SRPK2: variants seen among roughly 807,000 people sequenced by gnomAD.
The protein encoded by SRPK2 is SRSF protein kinase 2.
SRPK2 carries 21 observed loss-of-function variants against 90.8 expected under a neutral mutation model. The ratio of observed to expected loss-of-function variants is 0.23; its 90% CI spans 0.16 to 0.33. The LOEUF (loss-of-function observed/expected upper bound fraction) is 0.33, where lower values mean the gene tolerates loss of function less well. SRPK2 is among the 10% of genes least tolerant of loss of function. The pLI is 1.00. For synonymous variants in SRPK2, 288 were observed against 311.1 expected (o/e 0.93, Z 0.78); for missense variants, 620 against 869.0 (o/e 0.71, Z 3.60).
intron 2 of SRPK2, among the ~76,000 whole-genome samples, chr7:105,350,520 A>G (rs1365087359): frequency 7.9e-6 from 1 of 126,902 alleles, no homozygotes; most frequent in Non-Finnish European, 1.6e-5. Flanking sequence ...GGTTGCTACA[A>G]TTTTTTTTCT....
intron 15 of SRPK2, among the ~76,000 whole-genome samples, chr7:105,123,949 A>C (rs1242355625): frequency 6.6e-6 from 1 of 152,218 alleles, no homozygotes; most frequent in African/African-American, 2.4e-5. Context: ...ATGCATTTTA[A>C]CTCTGCAGGT....
intron 3 of SRPK2, among the ~76,000 whole-genome samples, chr7:105,187,953 G>C (rs1793801164): frequency 6.6e-6 from 1 of 152,160 alleles, no homozygotes; most frequent in African/African-American, 2.4e-5. Context: ...AATATACAGT[G>C]ACACAGCCAT....
rs1202517277 is a variant in SRPK2 at position 105,181,049 on chromosome 7, G to C, written c.230-11784C>G. On this transcript the variant is annotated intron_variant, in intron 3 of 15. Coordinates refer to ENST00000393651, the MANE Select transcript of SRPK2 (RefSeq NM_182692.3). ...AAGCAAAAAACCACCCCATTAAAGA[G>C]TGTGCAAAGGACATGAATAGACATT... Among the ~76,000 whole-genome samples, 3 of 152,162 alleles carry C rather than the reference G, an allele frequency of 2.0e-5. No homozygotes were observed. In the East Asian group the frequency reaches 5.8e-4, roughly 29 times the overall value.
At chr7:105,285,948 C>T (rs1563193072) in intron 2 of SRPK2, among the ~76,000 whole-genome samples, 1 of 152,166 alleles carries the variant, frequency 6.6e-6, no homozygotes, top group Non-Finnish European at 1.5e-5. Flanking sequence ...CATTTTACAC[C>T]AGTTACAATG....
intron 2 of SRPK2, among the ~76,000 whole-genome samples, chr7:105,378,412 G>T (rs746231886): frequency 6.6e-6 from 1 of 151,882 alleles, no homozygotes; most frequent in African/African-American, 2.4e-5. Context: ...AAGGGTAGGG[G>T]GCAAAAGACT....
At chr7:105,252,781 T>G (rs1802662414) in intron 2 of SRPK2, among the ~76,000 whole-genome samples, 1 of 149,732 alleles carries the variant, frequency 6.7e-6, no homozygotes, top group African/African-American at 2.5e-5. Flanking sequence ...CTCCCTCTGT[T>G]GCCCAGGCTG....
In SRPK2 at chr7:105,116,976, T is replaced by TA. The variant is rs1799689142; in HGVS notation, c.*861dup. On this transcript the variant is annotated 3_prime_UTR_variant, in exon 16 of 16. Coordinates refer to ENST00000393651, the MANE Select transcript of SRPK2 (RefSeq NM_182692.3). Reference sequence around the variant, plus strand: ...AATTTAATCTATGTAGAGCTTAACTTACAGCGCCCAGAGGAGGCAACATGA... The same window carrying TA: ...AATTTAATCTATGTAGAGCTTAACTTAACAGCGCCCAGAGGAGGCAACATGA... 6.6e-6 allele frequency: 1 copy of TA among 152,226 alleles called. No individual in the cohort carries two copies. Among genetic ancestry groups the TA allele is most frequent in the African/African-American group, 2.4e-5 (1 of 41,460 alleles). 9.4% of individuals were successfully genotyped at this position (152,226 alleles called of 1,614,324 possible). A position where few individuals can be genotyped will look rare whatever the true frequency, so the allele number is the denominator to read the frequency against.
intron 2 of SRPK2, among the ~76,000 whole-genome samples, chr7:105,280,287 C>T (rs1433747793): frequency 6.6e-6 from 1 of 151,924 alleles, no homozygotes; most frequent in Non-Finnish European, 1.5e-5. Context: ...TGGTGGTGCA[C>T]ACCTGTCATC....
At chr7:105,191,009 A>C (rs543285016) in intron 3 of SRPK2, among the ~76,000 whole-genome samples, 1 of 152,290 alleles carries the variant, frequency 6.6e-6, no homozygotes, top group South Asian at 2.1e-4. Flanking sequence ...TTTTTTCTAT[A>C]AGGAATTGAG....
intron 2 of SRPK2, among the ~76,000 whole-genome samples, chr7:105,252,667 T>C (rs970188636): frequency 1.3e-5 from 2 of 152,128 alleles, no homozygotes; most frequent in African/African-American, 4.8e-5. Context: ...TGATACTTTA[T>C]ATATCCATTG....
In SRPK2 at chr7:105,142,041, C is replaced by T; in HGVS notation, c.1510G>A (p.Val504Ile). 6.2e-7 allele frequency: 1 copy of T among 1,613,480 alleles called. No homozygotes were observed. Among genetic ancestry groups the T allele is most frequent in the Admixed American group, 1.7e-5 (1 of 59,930 alleles). ...SSPSHDRSRT[V>I]SASSTGDLPK... ...AAATCCCCAGTACTGGAGGCTGAAA[C>T]CGTTCTGCTTCTGTCATGGGATGGA... Residue 504 changes from valine to isoleucine, a missense_variant, in exon 11 of 16, where the codon GTT (valine) becomes ATT (isoleucine). Physicochemically the swap from Val to Ile is conservative, Grantham distance 29. Transcript: ENST00000393651.
intron 1 of SRPK2, among the ~76,000 whole-genome samples, chr7:105,396,786 G>A (rs1822338188): frequency 7.7e-6 from 1 of 130,688 alleles, no homozygotes; most frequent in African/African-American, 2.8e-5. Context: ...GAGAGAGAAA[G>A]AAAGAAAGAG....
intron 7 of SRPK2, among the ~76,000 whole-genome samples, chr7:105,153,320 A>G (rs1293838223): frequency 6.6e-6 from 1 of 152,166 alleles, no homozygotes; most frequent in Non-Finnish European, 1.5e-5. Context: ...AGGTTCAGAG[A>G]AAGTTCCTTC....
intron 2 of SRPK2, among the ~76,000 whole-genome samples, chr7:105,247,526 AC>A (rs1323473560): frequency 1.9e-5 from 2 of 103,884 alleles, no homozygotes; most frequent in Non-Finnish European, 4.0e-5. Flanking sequence ...ACACACACAC[AC>A]ATAAACACAC....
upstream of SRPK2, among the ~76,000 whole-genome samples, chr7:105,390,607 G>T (rs372907349): frequency 5.3e-4 from 58 of 109,022 alleles, no homozygotes; most frequent in Middle Eastern, 4.6e-3. Context: ...TTTTGTTTTT[G>T]TTTTTTTTTT....
chr7:105,154,078 G>T (rs1806147463), intron 7 of SRPK2, among the ~76,000 whole-genome samples: 1 of 152,172 alleles, frequency 6.6e-6, no homozygotes. Flanking sequence ...AAAATCCAGG[G>T]GACGGCGTCC....
intron 2 of SRPK2, among the ~76,000 whole-genome samples, chr7:105,256,351 A>G (rs1803308668): frequency 6.6e-6 from 1 of 152,068 alleles, no homozygotes; most frequent in Admixed American, 6.5e-5. Context: ...GTATGTATGT[A>G]CGTACGTATG....
chr7:105,355,772 G>A (rs1259166373), intron 2 of SRPK2, among the ~76,000 whole-genome samples: 1 of 152,180 alleles, frequency 6.6e-6, no homozygotes, highest in African/African-American at 2.4e-5. Flanking sequence ...TCAGGGCCAA[G>A]CACGGTGCCT....
At position 105,176,711 on chromosome 7, in the gene SRPK2, GTGTGTGTGTGTGTGTA is replaced by G. The variant is rs1449840794; in HGVS notation, c.230-7462_230-7447del. Among the ~76,000 whole-genome samples the G allele has an allele frequency of 2.6e-4, 4 of 15,104 alleles. No homozygotes were observed. The South Asian group carries it at 8.1e-3, about 31-fold the overall frequency. 9.9% of individuals were successfully genotyped at this position (15,104 alleles called of 152,430 possible). A position where few individuals can be genotyped will look rare whatever the true frequency, so the allele number is the denominator to read the frequency against. Reference sequence around the variant, plus strand: ...TGTGTACATATATATGTATGTGTATGTGTGTGTGTGTGTGTATGTATGTATGTATGTGTGTATATGT... The same window carrying G: ...TGTGTACATATATATGTATGTGTATGTGTATGTATGTATGTGTGTATATGT... On this transcript the variant is annotated intron_variant, in intron 3 of 15. Transcript: ENST00000393651.
Sources: gnomAD v4.1 joint callset for allele counts (sites outside exome capture counted in the v4.1 genomes callset) on GRCh38, gnomAD v4.1.1 for gene constraint, MANE v1.5 for transcripts, NCBI Gene and HGNC (gene_info 2026-07-23, HGNC 2026-07-21) for gene names.